ITGB5: variants seen among roughly 807,000 people sequenced by gnomAD.
The protein encoded by ITGB5 is integrin subunit beta 5.
ITGB5 carries 38 observed loss-of-function variants against 84.8 expected under a neutral mutation model. That is an observed-to-expected ratio of 0.45 (90% CI 0.35 to 0.59). The LOEUF (loss-of-function observed/expected upper bound fraction) is 0.59, where lower values mean the gene tolerates loss of function less well. Among genes scored for constraint, ITGB5 ranks in the 20% least tolerant of loss-of-function variants. ITGB5 has a pLI of 0.01. For synonymous variants in ITGB5, 393 were observed against 414.4 expected, an observed-to-expected ratio of 0.95 and a Z score of 0.63; for missense variants, 905 against 1,034.5, an observed-to-expected ratio of 0.87 and a Z score of 1.72.
rs145464711 is a variant in ITGB5 at position 124,848,482 on chromosome 3, G to A, written c.438C>T (p.Leu146=). The change falls in exon 4 of 15, where the codon CTC becomes CTT. Residue 146 remains leucine, a synonymous_variant. Transcript: ENST00000296181. ...YPVDLYYLMD[L]SLSMKDDLDN... Reference sequence around the variant, plus strand: ...CCAAGTCATCCTTCATGGACAGGGAGAGGTCCATCAGGTAGTACAGGTCCA... The same window carrying A: ...CCAAGTCATCCTTCATGGACAGGGAAAGGTCCATCAGGTAGTACAGGTCCA... 6.2e-7 allele frequency: 1 copy of A among 1,614,148 alleles called. No homozygotes were observed. The highest frequency in any genetic ancestry group is 8.5e-7 in the Non-Finnish European group (1 of 1,179,984).
chr3:124,819,078 GT>G lies in ITGB5; in HGVS notation c.1038+660del, dbSNP rs2064656911. ...GAGAAGGAGCACGTTCATGTGGGGA[GT>G]TTTTGAAGATGGTCCAGGGTGACCC... On this transcript the variant is annotated intron_variant, in intron 7 of 14. Transcript: ENST00000296181. 2.0e-5 allele frequency among the ~76,000 whole-genome samples: 3 copies of G among 152,208 alleles called. No homozygotes were observed. In the South Asian group the frequency reaches 6.2e-4, roughly 32 times the overall value.
chr3:124,843,328 T>C (rs1476283130), intron 4 of ITGB5, among the ~76,000 whole-genome samples: 1 of 152,218 alleles, frequency 6.6e-6, no homozygotes, highest in East Asian at 1.9e-4. Flanking sequence ...TATGTGGCTC[T>C]GGCCCATGAT....
rs572187916 is a variant in ITGB5 at position 124,831,179 on chromosome 3, T to C, written c.781-9705A>G. Among the ~76,000 whole-genome samples the C allele has an allele frequency of 3.3e-5, 5 of 152,294 alleles. No homozygotes were observed. The South Asian group carries it at 8.3e-4, about 25-fold the overall frequency. On this transcript the variant is annotated intron_variant, in intron 5 of 14. Coordinates refer to ENST00000296181, the MANE Select transcript of ITGB5 (RefSeq NM_002213.5). ...CTCTCCTCTGAGGATGTGGTTCCCA[T>C]GCCCGGCACCACCCACTTATCCCCT...
rs778827831 is a variant in ITGB5, at chr3:124,848,594, G to T, written c.362-36C>A. ...AGAGAGGCCACGTGTGTTAGAGGTT[G>T]TGCAACCTGCTGAGGGCTGAGGGAT... On this transcript the variant is annotated intron_variant, in intron 3 of 14. Coordinates refer to ENST00000296181, the MANE Select transcript of ITGB5 (RefSeq NM_002213.5). 1.9e-6 allele frequency: 3 copies of T among 1,589,316 alleles called. No homozygotes were observed. The East Asian group carries it at 6.7e-5, about 36-fold the overall frequency.
At chr3:124,835,024 T>C (rs1421360234) in intron 5 of ITGB5, among the ~76,000 whole-genome samples, 1 of 152,176 alleles carries the variant, frequency 6.6e-6, no homozygotes, top group Middle Eastern at 3.2e-3. Flanking sequence ...AGGGGCCTCC[T>C]ACCCTTTCCC....
At chr3:124,778,223 A>G (rs779620560) in intron 10 of ITGB5, among the ~76,000 whole-genome samples, 3 of 152,248 alleles carry the variant, frequency 2.0e-5, no homozygotes, top group Non-Finnish European at 4.4e-5. Context: ...CTACACATGC[A>G]AGTTGTTATT....
chr3:124,835,235 C>T (rs1481316093), intron 5 of ITGB5, among the ~76,000 whole-genome samples: 1 of 152,224 alleles, frequency 6.6e-6, no homozygotes, highest in Non-Finnish European at 1.5e-5. Context: ...CAGCAGCTGT[C>T]GGTGGGGCTG....
chr3:124,865,007 A>G (rs2065365676), intron 2 of ITGB5, among the ~76,000 whole-genome samples: 1 of 152,184 alleles, frequency 6.6e-6, no homozygotes, highest in African/African-American at 2.4e-5. Context: ...GCCCAAATCC[A>G]GTGCTCTTTG....
At chr3:124,863,746 T>C (rs1183302464) in intron 2 of ITGB5, among the ~76,000 whole-genome samples, 1 of 152,186 alleles carries the variant, frequency 6.6e-6, no homozygotes, top group Non-Finnish European at 1.5e-5. Flanking sequence ...CTTGAACTCC[T>C]GACCTCAGAT....
chr3:124,854,155 G>A lies in ITGB5; in HGVS notation c.361+5087C>T, dbSNP rs115886129. On this transcript the variant is annotated intron_variant, in intron 3 of 14. Coordinates refer to ENST00000296181, the MANE Select transcript of ITGB5 (RefSeq NM_002213.5). The stretch of plus-strand genomic sequence containing the variant: ...ATATTTACACAAAATCCTGCTTGAA[G>A]CTTGGCAGTCCTTCAAAAAGTTAAA... Among the ~76,000 whole-genome samples the A allele has an allele frequency of 6.4e-3, 967 of 152,244 alleles. 8 individuals carry two copies. Among genetic ancestry groups the A allele is most frequent in the African/African-American group, 0.022 (895 of 41,540 alleles).
intron 5 of ITGB5, among the ~76,000 whole-genome samples, chr3:124,835,664 G>A (rs921311904): frequency 1.3e-5 from 2 of 152,244 alleles, no homozygotes; most frequent in African/African-American, 4.8e-5. Context: ...TGGTGCAGAG[G>A]TTTGAGGAGT....
intron 2 of ITGB5, among the ~76,000 whole-genome samples, chr3:124,866,404 T>C (rs983212089): frequency 1.3e-5 from 2 of 152,214 alleles, no homozygotes; most frequent in Non-Finnish European, 2.9e-5. Flanking sequence ...AGACCAGACA[T>C]TACATTATTT....
chr3:124,834,631 G>C (rs1469935356), intron 5 of ITGB5, among the ~76,000 whole-genome samples: 1 of 108,576 alleles, frequency 9.2e-6, no homozygotes, highest in African/African-American at 3.6e-5. Context: ...GGGAGGGAGG[G>C]AGGGAGGGAA....
chr3:124,812,384 G>C (rs75017107), intron 8 of ITGB5, among the ~76,000 whole-genome samples: 8 of 152,124 alleles, frequency 5.3e-5, no homozygotes, highest in Non-Finnish European at 8.8e-5. Flanking sequence ...GCTTTAAGTC[G>C]GGCCAGCTGT....
intron 5 of ITGB5, among the ~76,000 whole-genome samples, chr3:124,838,039 G>A (rs1409465542): frequency 2.0e-5 from 3 of 152,134 alleles, no homozygotes; most frequent in Non-Finnish European, 2.9e-5. Context: ...AACAAAGTAA[G>A]GGATACTTAG....
At position 124,841,534 on chromosome 3, in the gene ITGB5, T is replaced by C; in HGVS notation, c.629A>G (p.Asn210Ser). 1 of 1,613,714 alleles carries C rather than the reference T, an allele frequency of 6.2e-7. No individual in the cohort carries two copies. Among genetic ancestry groups the C allele is most frequent in the East Asian group, 2.2e-5 (1 of 44,884 alleles). ...GCGGAACCCAAAGGAGGGGACGCAA[T>C]TTGGAAACAACTTGTAACTAGAGAG... is the stretch of plus-strand genomic sequence containing the variant. ...NPCIGYKLFP[N>S]CVPSFGFRHL... Residue 210 changes from asparagine (N) to serine (S), a missense_variant, in exon 5 of 15, where the codon AAT becomes AGT. Transcript: ENST00000296181.
At chr3:124,844,543 G>C (rs1390225367) in intron 4 of ITGB5, among the ~76,000 whole-genome samples, 1 of 152,054 alleles carries the variant, frequency 6.6e-6, no homozygotes, top group Non-Finnish European at 1.5e-5. Flanking sequence ...CTGAGTAACA[G>C]AGCAAGACTC....
At chr3:124,808,267 A>G (rs1460791452) in intron 9 of ITGB5, among the ~76,000 whole-genome samples, 1 of 152,232 alleles carries the variant, frequency 6.6e-6, no homozygotes. Flanking sequence ...GAAGAGAATT[A>G]TCCCTCACTG....
At chr3:124,857,987 A>C (rs188558133) in intron 3 of ITGB5, among the ~76,000 whole-genome samples, 98 of 152,144 alleles carry the variant, frequency 6.4e-4, no homozygotes, top group East Asian at 1.2e-3. Flanking sequence ...CACACACACA[A>C]AAAAATTAGC....
Sources: gnomAD v4.1 joint callset for allele counts (sites outside exome capture counted in the v4.1 genomes callset) on GRCh38, gnomAD v4.1.1 for gene constraint, MANE v1.5 for transcripts, NCBI Gene and HGNC (gene_info 2026-07-23, HGNC 2026-07-21) for gene names.